The following FUT8 variants were observed in gnomAD, a reference collection of about 807,000 sequenced individuals.
FUT8 encodes alpha-(1,6)-fucosyltransferase.
Under a neutral mutation model 71.3 loss-of-function variants are expected in FUT8, and 29 were observed. The ratio of observed to expected loss-of-function variants is 0.41; its 90% CI spans 0.30 to 0.55. FUT8 has a LOEUF of 0.55. Ranked by LOEUF, FUT8 falls within the 20% of genes least tolerant of loss-of-function variation. FUT8 has a pLI of 0.34. For missense variants in FUT8, 544 were observed against 702.1 expected (o/e 0.77, Z 2.55); for synonymous variants, 254 against 239.3 (o/e 1.06, Z -0.57).
chr14:65,418,093 G>T (rs940644986), intron 1 of FUT8, among the ~76,000 whole-genome samples: 1 of 152,140 alleles, frequency 6.6e-6, no homozygotes, highest in South Asian at 2.1e-4. Flanking sequence ...ATATCATGTA[G>T]CAATGAGGCA....
the FUT8 span, among the ~76,000 whole-genome samples, chr14:65,399,079 G>T: frequency 1.3e-5 from 2 of 152,200 alleles, no homozygotes; most frequent in Non-Finnish European, 2.9e-5. Flanking sequence ...AGCATTTTGG[G>T]AGGCCAAAGT....
intron 9 of FUT8, among the ~76,000 whole-genome samples, chr14:65,725,119 A>ATTAT (rs1895614397): frequency 6.6e-6 from 1 of 152,208 alleles, no homozygotes; most frequent in Non-Finnish European, 1.5e-5. Context: ...GTCTTATAAT[A>ATTAT]ATTTGTGGAA....
the FUT8 span, among the ~76,000 whole-genome samples, chr14:65,380,085 G>A: frequency 1.6e-4 from 24 of 152,206 alleles, no homozygotes; most frequent in African/African-American, 3.1e-4. Context: ...CCATTTTTGC[G>A]CTGCTGATAA....
chr14:65,504,101 C>A (rs554935655), intron 2 of FUT8, among the ~76,000 whole-genome samples: 170 of 152,284 alleles, frequency 1.1e-3, no homozygotes, highest in Non-Finnish European at 2.0e-3. Context: ...GAATTTCTTA[C>A]TTCTCCCACC....
chr14:65,727,816 C>A (rs749697106), intron 9 of FUT8, among the ~76,000 whole-genome samples: 1 of 152,160 alleles, frequency 6.6e-6, no homozygotes, highest in Non-Finnish European at 1.5e-5. Flanking sequence ...GCTCTGCTCC[C>A]CTTATAAAAC....
At chr14:65,370,325 A>G in the FUT8 span, among the ~76,000 whole-genome samples, 1 of 147,854 alleles carries the variant, frequency 6.8e-6, no homozygotes, top group South Asian at 2.1e-4. Context: ...CTCCCACCTC[A>G]GCCTCCTGAG....
chr14:65,416,903 C>G (rs2065227902), intron 1 of FUT8, among the ~76,000 whole-genome samples: 1 of 151,372 alleles, frequency 6.6e-6, no homozygotes, highest in South Asian at 2.1e-4. Context: ...CCCGCCTTAG[C>G]CTCTGGAGTA....
chr14:65,389,006 A>T, the FUT8 span, among the ~76,000 whole-genome samples: 1 of 150,844 alleles, frequency 6.6e-6, no homozygotes, highest in Non-Finnish European at 1.5e-5. Context: ...GAATACATAC[A>T]TATTTATATA....
intron 2 of FUT8, among the ~76,000 whole-genome samples, chr14:65,515,358 A>G (rs189910131): frequency 3.9e-5 from 6 of 152,270 alleles, no homozygotes; most frequent in Admixed American, 1.3e-4. Context: ...TAGGGAAATT[A>G]TGCATCCAAA....
At chr14:65,439,954 G>GTGTATGTATATATGTATA in intron 1 of FUT8, among the ~76,000 whole-genome samples, 1 of 74,984 alleles carries the variant, frequency 1.3e-5, no homozygotes, top group African/African-American at 5.1e-5. Flanking sequence ...GTGTGTGTGT[G>GTGTATGTATATATGTATA]TATATATATA....
intron 3 of FUT8, among the ~76,000 whole-genome samples, chr14:65,589,685 C>T (rs1887582731): frequency 6.6e-6 from 1 of 152,074 alleles, no homozygotes; most frequent in African/African-American, 2.4e-5. Flanking sequence ...ACCTCGTGAT[C>T]TGCCCGCCTC....
At position 65,659,409 on chromosome 14, in the gene FUT8, C is replaced by G. The variant is rs975760807; in HGVS notation, c.598-9834C>G. On this transcript the variant is annotated intron_variant, in intron 6 of 10. Transcript: ENST00000673929. ...TAGACAAGTGCTGTAAGTACCAGTA[C>G]TACCCAGAAGAATGGTACTTTGCAG... Among the ~76,000 whole-genome samples the G allele has an allele frequency of 2.1e-4, 32 of 152,018 alleles. 1 individual carries two copies. Among genetic ancestry groups the G allele is most frequent in the Admixed American group, 2.0e-3 (30 of 15,272 alleles).
Position 65,561,650 on chromosome 14 carries a change from G to A in FUT8, c.87G>A (p.Leu29=). 1 of 1,613,426 alleles carries A rather than the reference G, an allele frequency of 6.2e-7. No homozygotes were observed. The part of the protein sequence containing the change: ...GTLLFYIGGH[L]VRDNDHPDHS... Reference sequence around the variant, plus strand: ...TGCTGTTTTATATAGGTGGTCACTTGGTACGAGATAATGACCATCCTGATC... The same window carrying A: ...TGCTGTTTTATATAGGTGGTCACTTAGTACGAGATAATGACCATCCTGATC... The change falls in exon 3 of 11, where the codon TTG becomes TTA. Residue 29 remains leucine, a synonymous_variant. Transcript: ENST00000673929.
intron 7 of FUT8, among the ~76,000 whole-genome samples, chr14:65,705,778 G>A (rs1182186063): frequency 1.3e-5 from 2 of 152,128 alleles, no homozygotes; most frequent in East Asian, 1.9e-4. Flanking sequence ...AGAACTTCAC[G>A]GTAGCTAGGA....
At chr14:65,693,104 TGGC>T (rs1893779566) in intron 7 of FUT8, among the ~76,000 whole-genome samples, 1 of 151,606 alleles carries the variant, frequency 6.6e-6, no homozygotes, top group Non-Finnish European at 1.5e-5. Context: ...CCAGACGGGG[TGGC>T]GGCCAGGCAG....
intron 5 of FUT8, among the ~76,000 whole-genome samples, chr14:65,618,244 TATA>T (rs1889410851): frequency 6.6e-6 from 1 of 151,454 alleles, no homozygotes; most frequent in African/African-American, 2.4e-5. Flanking sequence ...TAAATAATAA[TATA>T]ATTTGTTTAT....
intron 2 of FUT8, among the ~76,000 whole-genome samples, chr14:65,554,554 C>T (rs1311980466): frequency 6.6e-6 from 1 of 151,616 alleles, no homozygotes; most frequent in Admixed American, 6.6e-5. Flanking sequence ...GAAACGGGTA[C>T]CCTTCTTCTT....
chr14:65,695,292 C>T (rs1161788939), intron 7 of FUT8, among the ~76,000 whole-genome samples: 2 of 152,118 alleles, frequency 1.3e-5, no homozygotes, highest in African/African-American at 4.8e-5. Flanking sequence ...TTTGTATATT[C>T]TCATTGCAAT....
At chr14:65,565,021 A>G (rs1171409037) in intron 3 of FUT8, among the ~76,000 whole-genome samples, 1 of 152,024 alleles carries the variant, frequency 6.6e-6, no homozygotes, top group Admixed American at 6.6e-5. Context: ...GGTGGCCAGA[A>G]AGTCCAAGAT....
Sources: gnomAD v4.1 joint callset for allele counts (sites outside exome capture counted in the v4.1 genomes callset) on GRCh38, gnomAD v4.1.1 for gene constraint, MANE v1.5 for transcripts, NCBI Gene and HGNC (gene_info 2026-07-23, HGNC 2026-07-21) for gene names.